Variants in FSTL5 observed in about 807,000 individuals in gnomAD.
The protein encoded by FSTL5 is follistatin like 5.
FSTL5 carries 62 observed loss-of-function variants against 89.1 expected under a neutral mutation model. The observed-to-expected ratio is 0.70, with a 90% CI of 0.57 to 0.86. The LOEUF (loss-of-function observed/expected upper bound fraction) is 0.86, where lower values mean the gene tolerates loss of function less well. Among genes scored for constraint, FSTL5 ranks in the 40% least tolerant of loss-of-function variants. The pLI is 0.00. For missense variants in FSTL5, 1,057 were observed against 1,001.6 expected (o/e 1.06, Z -0.75); for synonymous variants, 383 against 346.2 (o/e 1.11, Z -1.18).
intron 3 of FSTL5, among the ~76,000 whole-genome samples, chr4:162,011,527 C>T (rs146552175): frequency 0.015 from 2,319 of 151,644 alleles, 22 homozygotes; most frequent in Middle Eastern, 0.027. Flanking sequence ...GAATTTTGCT[C>T]TTGTCGCCCA....
chr4:161,819,959 C>A (rs1278925377), intron 4 of FSTL5, among the ~76,000 whole-genome samples: 1 of 151,380 alleles, frequency 6.6e-6, no homozygotes, highest in Non-Finnish European at 1.5e-5. Flanking sequence ...TTTTTTTTAA[C>A]TTTTTCAGTA....
At chr4:161,563,443 T>C (rs1396353460) in intron 8 of FSTL5, among the ~76,000 whole-genome samples, 1 of 152,010 alleles carries the variant, frequency 6.6e-6, no homozygotes, top group Non-Finnish European at 1.5e-5. Context: ...ATTCTCCACA[T>C]TCTGACCATC....
chr4:162,048,272 A>C (rs1169379764), intron 2 of FSTL5, among the ~76,000 whole-genome samples: 1 of 152,124 alleles, frequency 6.6e-6, no homozygotes. Flanking sequence ...GGTTGCAGTG[A>C]GCGGCGATGG....
chr4:161,639,787 GA>G (rs2126666694), intron 7 of FSTL5, among the ~76,000 whole-genome samples: 1 of 152,252 alleles, frequency 6.6e-6, no homozygotes, highest in Admixed American at 6.5e-5. Context: ...TGGGAAAGGG[GA>G]TCCTGTCATT....
chr4:162,061,577 T>C (rs1738719793), intron 2 of FSTL5, among the ~76,000 whole-genome samples: 1 of 152,166 alleles, frequency 6.6e-6, no homozygotes, highest in African/African-American at 2.4e-5. Flanking sequence ...ATCTGTGGCT[T>C]AGAAACAGGG....
chr4:161,977,639 A>AAATAATAATAATAATAATAAT (rs70937700), intron 3 of FSTL5, among the ~76,000 whole-genome samples: 20 of 101,202 alleles, frequency 2.0e-4, no homozygotes, highest in South Asian at 1.3e-3. Flanking sequence ...AAAAAAAAAA[A>AAATAATAATAATAATAATAAT]AATAATAATA....
chr4:161,615,047 C>A (rs1015166193), intron 7 of FSTL5, among the ~76,000 whole-genome samples: 1 of 152,000 alleles, frequency 6.6e-6, no homozygotes, highest in African/African-American at 2.4e-5. Context: ...GTAATCCCAG[C>A]ACTTTGGGAG....
At position 162,071,947 on chromosome 4, in the gene FSTL5, A is replaced by G. The variant is rs1051625066; in HGVS notation, c.127-38289T>C. 2.0e-4 allele frequency among the ~76,000 whole-genome samples: 30 copies of G among 151,782 alleles called. 1 individual carries two copies. Among genetic ancestry groups the G allele is most frequent in the Non-Finnish European group, 5.9e-5 (4 of 67,812 alleles). ...ATAGGAAAATAAAAAATTCCTTAAT[A>G]TTAGATTTTTAACACAAACATTAGG... On this transcript the variant is annotated intron_variant, in intron 2 of 15. Coordinates refer to ENST00000306100, the MANE Select transcript of FSTL5 (RefSeq NM_020116.5).
chr4:162,073,388 T>G (rs1343563408), intron 2 of FSTL5, among the ~76,000 whole-genome samples: 1 of 151,652 alleles, frequency 6.6e-6, no homozygotes, highest in Non-Finnish European at 1.5e-5. Context: ...ATTATCTGAT[T>G]GATAAATTGA....
At chr4:161,611,405 C>T (rs1351917435) in intron 7 of FSTL5, among the ~76,000 whole-genome samples, 2 of 151,476 alleles carry the variant, frequency 1.3e-5, no homozygotes, top group African/African-American at 2.4e-5. Flanking sequence ...TATGCACACA[C>T]CTAACAAATA....
At chr4:162,051,902 T>A (rs1738390584) in intron 2 of FSTL5, among the ~76,000 whole-genome samples, 1 of 151,338 alleles carries the variant, frequency 6.6e-6, no homozygotes, top group African/African-American at 2.4e-5. Flanking sequence ...TCATCTGGTG[T>A]AAGAGGTTGC....
At chr4:161,757,433 C>G (rs554455159) in intron 6 of FSTL5, among the ~76,000 whole-genome samples, 1 of 151,964 alleles carries the variant, frequency 6.6e-6, no homozygotes, top group African/African-American at 2.4e-5. Flanking sequence ...ACCACATTTT[C>G]TCCCTGTTAC....
intron 15 of FSTL5, among the ~76,000 whole-genome samples, chr4:161,412,513 T>C (rs1377712971): frequency 6.6e-6 from 1 of 151,772 alleles, no homozygotes; most frequent in Non-Finnish European, 1.5e-5. Context: ...GGTAGGGGGA[T>C]AGGGGCGGGA....
intron 15 of FSTL5, among the ~76,000 whole-genome samples, chr4:161,452,405 G>A (rs1314589392): frequency 6.6e-6 from 1 of 152,072 alleles, no homozygotes; most frequent in Non-Finnish European, 1.5e-5. Flanking sequence ...GAATCCGGGA[G>A]GTGGAGGTTG....
rs375795020 is a variant in FSTL5 at position 161,783,588 on chromosome 4, CTTTCCTTGCCTTT to C, written c.410-7527_410-7515del. 4.5e-3 allele frequency among the ~76,000 whole-genome samples: 425 copies of C among 93,818 alleles called. 4 individuals are homozygous for C. The highest frequency in any genetic ancestry group is 0.014 in the African/African-American group (374 of 26,750). The allele number at this position is 93,818 out of a possible 152,430, so 61.5% of individuals were successfully genotyped here. A position where few individuals can be genotyped will look rare whatever the true frequency, so the allele number is the denominator to read the frequency against. ...TTCTTTTCTTTCTTTGCTTTCCTTG[CTTTCCTTGCCTTT>C]CTTTCTTTCTTTCTCTTTTTCTTTC... On this transcript the variant is annotated intron_variant, in intron 4 of 15. Coordinates refer to ENST00000306100, the MANE Select transcript of FSTL5 (RefSeq NM_020116.5).
intron 6 of FSTL5, among the ~76,000 whole-genome samples, chr4:161,662,271 C>T (rs1579003281): frequency 1.3e-5 from 2 of 151,670 alleles, no homozygotes; most frequent in South Asian, 2.1e-4. Flanking sequence ...TTTACAATAC[C>T]CAGAAAACCA....
intron 8 of FSTL5, among the ~76,000 whole-genome samples, chr4:161,553,762 T>C (rs1732294516): frequency 6.6e-6 from 1 of 151,486 alleles, no homozygotes; most frequent in South Asian, 2.1e-4. Flanking sequence ...TTAGAGATCC[T>C]GGAAAAAAAT....
intron 15 of FSTL5, among the ~76,000 whole-genome samples, chr4:161,430,406 A>G (rs62325059): frequency 0.14 from 20,988 of 152,134 alleles, 1,735 homozygotes; most frequent in East Asian, 0.24. Flanking sequence ...TAGAACACCA[A>G]GCAGATTTAA....
chr4:161,673,237 A>G (rs1012537835), intron 6 of FSTL5, among the ~76,000 whole-genome samples: 4 of 152,028 alleles, frequency 2.6e-5, no homozygotes, highest in Non-Finnish European at 5.9e-5. Flanking sequence ...TTTCTATGGG[A>G]CATTTGATTA....
Sources: allele counts gnomAD v4.1 joint callset (sites outside exome capture counted in the v4.1 genomes callset), GRCh38; gene constraint gnomAD v4.1.1; transcripts MANE v1.5; gene names NCBI Gene and HGNC (gene_info 2026-07-23, HGNC 2026-07-21).